DGKB: variants seen among roughly 807,000 people sequenced by gnomAD.
DGKB encodes the protein 90 kDa diacylglycerol kinase.
In DGKB, 67 loss-of-function variants were observed where a neutral mutation model predicts 114.3. The observed-to-expected ratio is 0.59, with a 90% CI of 0.48 to 0.72. DGKB has a LOEUF of 0.72. DGKB is among the 30% of genes least tolerant of loss of function. DGKB has a pLI of 0.00. For missense variants in DGKB, 907 were observed against 975.2 expected (o/e 0.93, Z 0.93); for synonymous variants, 398 against 323.1 (o/e 1.23, Z -2.49).
At chr7:14,537,917 C>T (rs1323288060) in intron 20 of DGKB, among the ~76,000 whole-genome samples, 1 of 151,928 alleles carries the variant, frequency 6.6e-6, no homozygotes, top group South Asian at 2.1e-4. Context: ...CCCGTCTCTA[C>T]TAATAATACA....
chr7:14,800,133 G>A (rs980032720), intron 2 of DGKB, among the ~76,000 whole-genome samples: 1 of 152,092 alleles, frequency 6.6e-6, no homozygotes, highest in African/African-American at 2.4e-5. Flanking sequence ...AGCCAGGATG[G>A]TCTCAATCTC....
At chr7:14,745,217 A>G (rs1479473331) in intron 4 of DGKB, among the ~76,000 whole-genome samples, 1 of 152,088 alleles carries the variant, frequency 6.6e-6, no homozygotes, top group Non-Finnish European at 1.5e-5. Context: ...GTCTCTTCTC[A>G]CCTTCAGGCC....
intron 23 of DGKB, among the ~76,000 whole-genome samples, chr7:14,188,516 C>T (rs896778872): frequency 4.1e-5 from 6 of 144,758 alleles, no homozygotes; most frequent in East Asian, 2.0e-4. Context: ...AAAAATTAGC[C>T]GGGCGTGGTG....
At chr7:14,968,586 T>C (rs1787295958) in intron 1 of DGKB, among the ~76,000 whole-genome samples, 2 of 152,180 alleles carry the variant, frequency 1.3e-5, no homozygotes, top group Admixed American at 1.3e-4. Flanking sequence ...TCTCAGACTT[T>C]GAAGGAACCT....
At chr7:14,970,361 G>T (rs1353283414) in intron 1 of DGKB, among the ~76,000 whole-genome samples, 1 of 151,912 alleles carries the variant, frequency 6.6e-6, no homozygotes, top group Non-Finnish European at 1.5e-5. Flanking sequence ...CAAACAAATA[G>T]TATGGTTTCC....
chr7:14,551,627 G>C (rs909004380), intron 20 of DGKB, among the ~76,000 whole-genome samples: 3 of 152,072 alleles, frequency 2.0e-5, no homozygotes, highest in Non-Finnish European at 2.9e-5. Flanking sequence ...ATGTCAGCAA[G>C]CCAAATACAA....
intron 13 of DGKB, among the ~76,000 whole-genome samples, chr7:14,638,896 G>A (rs1029301184): frequency 2.6e-5 from 4 of 151,946 alleles, no homozygotes; most frequent in East Asian, 1.9e-4. Context: ...AAATTATCCC[G>A]GCATGGTGGC....
intron 23 of DGKB, among the ~76,000 whole-genome samples, chr7:14,193,602 A>G (rs1441523431): frequency 6.6e-6 from 1 of 152,180 alleles, no homozygotes; most frequent in African/African-American, 2.4e-5. Context: ...ACTAGAAGAA[A>G]TCACAGAGAA....
rs149976812 is a variant in DGKB at position 14,213,051 on chromosome 7, TATACTC to T, written c.2123-34906_2123-34901del. Among the ~76,000 whole-genome samples the T allele has an allele frequency of 6.3e-3, 958 of 152,224 alleles. 6 individuals are homozygous for T. Among genetic ancestry groups the T allele is most frequent in the African/African-American group, 0.012 (494 of 41,548 alleles). On this transcript the variant is annotated intron_variant, in intron 23 of 25. Transcript: ENST00000402815. ...ATTCATTCAAATTTTTGTCTATTCT[TATACTC>T]ATATATGTACCAGTTCAATTTGAAA...
intron 22 of DGKB, among the ~76,000 whole-genome samples, chr7:14,341,869 G>T (rs1271178418): frequency 6.6e-6 from 1 of 151,854 alleles, no homozygotes; most frequent in East Asian, 1.9e-4. Context: ...TCTAAGTGTG[G>T]ATGGTAAATG....
Position 14,779,849 on chromosome 7 carries a change from A to T in DGKB, c.71-22118T>A, listed in dbSNP as rs546214162. On this transcript the variant is annotated intron_variant, in intron 2 of 25. Transcript: ENST00000402815. ...TAAGAACTTTATTTGTTAATTCTTC[A>T]ACTCCAGAGTATCTATTGTCTGTTC... Among the ~76,000 whole-genome samples the T allele has an allele frequency of 3.6e-4, 55 of 152,332 alleles. No individual in the cohort carries two copies. In the South Asian group the frequency reaches 0.011, roughly 31 times the overall value.
At chr7:14,231,214 G>A (rs1434305392) in intron 23 of DGKB, among the ~76,000 whole-genome samples, 2 of 149,904 alleles carry the variant, frequency 1.3e-5, no homozygotes, top group African/African-American at 4.9e-5. Context: ...GCTCACTACA[G>A]CCTTGAACTT....
At chr7:14,954,459 G>A (rs922965759) in intron 1 of DGKB, among the ~76,000 whole-genome samples, 9 of 152,046 alleles carry the variant, frequency 5.9e-5, no homozygotes, top group Non-Finnish European at 1.2e-4. Flanking sequence ...AATCATTAAT[G>A]ATTTCAGCAG....
intron 23 of DGKB, among the ~76,000 whole-genome samples, chr7:14,217,678 A>G (rs561361226): frequency 1.3e-5 from 2 of 152,110 alleles, no homozygotes; most frequent in African/African-American, 4.8e-5. Context: ...AGTGAAAAAA[A>G]AAATCATACG....
chr7:14,422,938 G>A lies in DGKB; in HGVS notation c.1835+55223C>T, dbSNP rs370423182. ...CCCCAATTAAATCTACGAGATCAGC[G>A]CCTGTTTTGCTAGGGAAACTAGGCT... On this transcript the variant is annotated intron_variant, in intron 21 of 25. Coordinates refer to ENST00000402815, the MANE Select transcript of DGKB (RefSeq NM_001350709.2). Among the ~76,000 whole-genome samples, 53 of 151,994 alleles carry A rather than the reference G, an allele frequency of 3.5e-4. 1 individual carries two copies. In the South Asian group the frequency reaches 0.01, roughly 30 times the overall value.
chr7:14,497,868 T>C (rs1380079336), intron 20 of DGKB, among the ~76,000 whole-genome samples: 2 of 151,904 alleles, frequency 1.3e-5, no homozygotes, highest in Non-Finnish European at 2.9e-5. Flanking sequence ...CAATACCCAC[T>C]GAATATTGAA....
chr7:14,851,861 C>T (rs1586913427), intron 1 of DGKB, among the ~76,000 whole-genome samples: 1 of 152,244 alleles, frequency 6.6e-6, no homozygotes, highest in East Asian at 1.9e-4. Context: ...AGCCAGCTTC[C>T]ACCCCCAAAC....
intron 13 of DGKB, among the ~76,000 whole-genome samples, chr7:14,659,836 T>A (rs1816664813): frequency 6.6e-6 from 1 of 151,734 alleles, no homozygotes; most frequent in South Asian, 2.1e-4. Flanking sequence ...TGCTTCCAGT[T>A]TTTGCCCATT....
At chr7:14,392,995 G>GTTTTTGATTTTTTTTTTTTTTTT in intron 21 of DGKB, among the ~76,000 whole-genome samples, 1 of 60,546 alleles carries the variant, frequency 1.7e-5, no homozygotes, top group African/African-American at 4.8e-5. Flanking sequence ...TTTTGTTTTT[G>GTTTTTGATTTTTTTTTTTTTTTT]TTTTTTTTTT....
Sources: allele counts gnomAD v4.1 joint callset (sites outside exome capture counted in the v4.1 genomes callset), GRCh38; gene constraint gnomAD v4.1.1; transcripts MANE v1.5; gene names NCBI Gene and HGNC (gene_info 2026-07-23, HGNC 2026-07-21).